The following FSTL4 variants were observed in gnomAD, a reference collection of about 807,000 sequenced individuals.
FSTL4 encodes follistatin-related protein 4.
In FSTL4, 28 loss-of-function variants were observed where a neutral mutation model predicts 78.2. The ratio of observed to expected loss-of-function variants is 0.36; its 90% CI spans 0.27 to 0.49. FSTL4 has a LOEUF of 0.49. FSTL4 is among the 20% of genes least tolerant of loss of function. The pLI is 0.98. For missense variants in FSTL4, 922 were observed against 1,084.9 expected (o/e 0.85, Z 2.11); for synonymous variants, 422 against 440.5 (o/e 0.96, Z 0.53).
Position 133,233,468 on chromosome 5 carries a change from G to A in FSTL4, c.964C>T (p.His322Tyr). 2.5e-6 allele frequency: 4 copies of A among 1,614,214 alleles called. No homozygotes were observed. Among genetic ancestry groups the A allele is most frequent in the Non-Finnish European group, 3.4e-6 (4 of 1,180,018 alleles). Residue 322 changes from histidine to tyrosine, a missense_variant, in exon 8 of 16, where the codon CAT becomes TAT. By Grantham distance (83) the His-to-Tyr change is moderately conservative. Transcript: ENST00000265342. ...TTIHMGNYTC[H>Y]ASGHEQLFQT... ...AACAGCTGCTCGTGGCCGGAAGCAT[G>A]GCAGGTGTAATTGCCCATGTGGATG...
chr5:133,732,755 AG>A, the FSTL4 span, among the ~76,000 whole-genome samples: 618 of 151,612 alleles, frequency 4.1e-3, 2 homozygotes, highest in African/African-American at 0.014. Context: ...GTGAATTGAG[AG>A]CCCAGGCCTG....
At chr5:133,482,433 G>T (rs1232459750) in intron 3 of FSTL4, among the ~76,000 whole-genome samples, 2 of 152,352 alleles carry the variant, frequency 1.3e-5, no homozygotes, top group East Asian at 3.9e-4. Flanking sequence ...GCTGCCCAGA[G>T]GTTAGTCTGG....
chr5:133,437,233 G>A (rs962258604), intron 3 of FSTL4, among the ~76,000 whole-genome samples: 3 of 152,204 alleles, frequency 2.0e-5, no homozygotes, highest in Admixed American at 2.0e-4. Context: ...AGGCACTCAA[G>A]TGCCTTTGTC....
the FSTL4 span, among the ~76,000 whole-genome samples, chr5:133,780,240 G>T: frequency 6.6e-6 from 1 of 152,114 alleles, no homozygotes; most frequent in African/African-American, 2.4e-5. Context: ...GGGAGGAGGG[G>T]TGTACACGAG....
At chr5:133,662,506 C>T in the FSTL4 span, among the ~76,000 whole-genome samples, 1 of 152,104 alleles carries the variant, frequency 6.6e-6, no homozygotes, top group African/African-American at 2.4e-5. Context: ...GAGGAGGGAA[C>T]GTGACAGCCT....
chr5:133,422,958 ATTGT>A (rs1333012317), intron 3 of FSTL4, among the ~76,000 whole-genome samples: 1 of 152,188 alleles, frequency 6.6e-6, no homozygotes, highest in Non-Finnish European at 1.5e-5. Flanking sequence ...GGCTGAAGTG[ATTGT>A]TCTGATGAAT....
chr5:133,666,052 G>T, the FSTL4 span, among the ~76,000 whole-genome samples: 1 of 151,880 alleles, frequency 6.6e-6, no homozygotes, highest in Non-Finnish European at 1.5e-5. Context: ...GTCAAGAGTG[G>T]CAGTGTCCAC....
At chr5:133,637,948 ATAATAAT>A in the FSTL4 span, among the ~76,000 whole-genome samples, 1 of 114,204 alleles carries the variant, frequency 8.8e-6, no homozygotes, top group Non-Finnish European at 1.9e-5. Context: ...CTCAAAAATA[ATAATAAT>A]TAATAATAAT....
intron 3 of FSTL4, among the ~76,000 whole-genome samples, chr5:133,413,222 G>A (rs1174616696): frequency 6.6e-6 from 1 of 152,066 alleles, no homozygotes; most frequent in East Asian, 1.9e-4. Flanking sequence ...TATATTGTGA[G>A]TCTGTCTTTA....
the FSTL4 span, among the ~76,000 whole-genome samples, chr5:133,623,699 A>G: frequency 6.6e-6 from 1 of 152,054 alleles, no homozygotes; most frequent in Non-Finnish European, 1.5e-5. Flanking sequence ...TCAAGAGAAT[A>G]AAAAGACAAC....
intron 6 of FSTL4, among the ~76,000 whole-genome samples, chr5:133,278,751 C>A (rs1752945090): frequency 6.6e-6 from 1 of 152,198 alleles, no homozygotes; most frequent in African/African-American, 2.4e-5. Context: ...CAGGCCACTG[C>A]CATCTAGAAA....
the FSTL4 span, among the ~76,000 whole-genome samples, chr5:133,621,964 A>G: frequency 1.3e-5 from 2 of 152,310 alleles, 1 homozygote; most frequent in South Asian, 4.1e-4. Flanking sequence ...GGTAACTGAC[A>G]TGTATAAAAT....
chr5:133,723,485 C>G, the FSTL4 span, among the ~76,000 whole-genome samples: 1 of 152,130 alleles, frequency 6.6e-6, no homozygotes, highest in African/African-American at 2.4e-5. Context: ...TCTGTGAGGC[C>G]AGGTGCAGGA....
chr5:133,280,512 G>C (rs1054284508), intron 6 of FSTL4, among the ~76,000 whole-genome samples: 1 of 152,142 alleles, frequency 6.6e-6, no homozygotes, highest in Admixed American at 6.5e-5. Flanking sequence ...TCATCCCCAA[G>C]CTGCTCTGAA....
chr5:133,316,627 G>A lies in FSTL4; in HGVS notation c.435C>T (p.Tyr145=), dbSNP rs530079769. 29 of 1,613,526 alleles carry A rather than the reference G, an allele frequency of 1.8e-5. No individual in the cohort carries two copies. The highest frequency in any genetic ancestry group is 1.7e-4 in the Middle Eastern group (1 of 6,058). Residue 145 remains tyrosine (Y), a synonymous_variant, in exon 5 of 16, where the codon TAC becomes TAT. Coordinates refer to ENST00000265342, the MANE Select transcript of FSTL4 (RefSeq NM_015082.2). ...LKGDTCTMAG[Y]ARLKNVLLAL... is the part of the protein sequence containing the mutation. ...CCAGAAGGACATTCTTCAAGCGGGCGTAGCCGGCCATGGTGCACGTGTCAC... is the reference window on the plus strand; with the variant it reads ...CCAGAAGGACATTCTTCAAGCGGGCATAGCCGGCCATGGTGCACGTGTCAC...
At chr5:133,732,514 C>A in the FSTL4 span, among the ~76,000 whole-genome samples, 1 of 152,132 alleles carries the variant, frequency 6.6e-6, no homozygotes, top group African/African-American at 2.4e-5. Context: ...TGAGAAACTT[C>A]CAGAAAGCCC....
chr5:133,644,738 C>G, the FSTL4 span, among the ~76,000 whole-genome samples: 1 of 152,138 alleles, frequency 6.6e-6, no homozygotes, highest in South Asian at 2.1e-4. Context: ...TCCCCCAGAC[C>G]CATACCCTGC....
At chr5:133,352,263 T>TAC (rs1554107422) in intron 4 of FSTL4, among the ~76,000 whole-genome samples, 33 of 51,934 alleles carry the variant, frequency 6.4e-4, no homozygotes, top group African/African-American at 1.3e-3. Context: ...CATATATATA[T>TAC]ACACACATAT....
chr5:133,697,456 C>T, the FSTL4 span, among the ~76,000 whole-genome samples: 73 of 152,218 alleles, frequency 4.8e-4, no homozygotes, highest in Non-Finnish European at 9.1e-4. Flanking sequence ...CACATTCATC[C>T]TCTCTGTCTT....
Sources: gnomAD v4.1 joint callset for allele counts (sites outside exome capture counted in the v4.1 genomes callset) on GRCh38, gnomAD v4.1.1 for gene constraint, MANE v1.5 for transcripts, NCBI Gene and HGNC (gene_info 2026-07-23, HGNC 2026-07-21) for gene names.